Variants in UPF2 observed in about 807,000 individuals in gnomAD.
The protein encoded by UPF2 is UPF2 regulator of nonsense mediated mRNA decay.
A neutral mutation model predicts 141.4 loss-of-function variants in UPF2; 17 were observed. The ratio of observed to expected loss-of-function variants is 0.12; its 90% CI spans 0.08 to 0.18. UPF2 has a LOEUF of 0.18. Ranked by LOEUF, UPF2 falls within the 10% of genes least tolerant of loss-of-function variation. The pLI is 1.00. For synonymous variants in UPF2, 540 were observed against 498.0 expected (o/e 1.08, Z -1.12); for missense variants, 1,152 against 1,515.9 (o/e 0.76, Z 3.99).
At chr10:12,018,549 C>G (rs961893119) in intron 3 of UPF2, among the ~76,000 whole-genome samples, 1 of 151,948 alleles carries the variant, frequency 6.6e-6, no homozygotes, top group African/African-American at 2.4e-5. Context: ...CCACTGCACT[C>G]TAGCCTGGGG....
intron 3 of UPF2, among the ~76,000 whole-genome samples, chr10:12,020,764 C>G (rs1460045846): frequency 6.6e-6 from 1 of 152,206 alleles, no homozygotes; most frequent in Non-Finnish European, 1.5e-5. Flanking sequence ...GATGGGAAAA[C>G]TGAAGCACAG....
At chr10:11,961,535 G>C (rs1197127393) in intron 11 of UPF2, among the ~76,000 whole-genome samples, 1 of 152,034 alleles carries the variant, frequency 6.6e-6, no homozygotes, top group Non-Finnish European at 1.5e-5. Context: ...GGGTAATAGA[G>C]AGCACTGCAC....
chr10:12,022,229 T>C lies in UPF2; in HGVS notation c.1145+6516A>G, dbSNP rs546340169. 1.2e-4 allele frequency among the ~76,000 whole-genome samples: 18 copies of C among 152,002 alleles called. No individual in the cohort carries two copies. The East Asian group carries it at 3.5e-3, about 29-fold the overall frequency. ...GAGTTCGAGACCAGCCTGGGCAACA[T>C]GGTGAAACCCTGTCTCTTCTAAAAC... On this transcript the variant is annotated intron_variant, in intron 3 of 21. Coordinates refer to ENST00000357604, the MANE Select transcript of UPF2 (RefSeq NM_015542.4).
Position 12,014,405 on chromosome 10 carries a change from C to T in UPF2, c.1146-221G>A, listed in dbSNP as rs1396027989. Among the ~76,000 whole-genome samples the T allele has an allele frequency of 6.6e-6, 1 of 152,102 alleles. No homozygotes were observed. The highest frequency in any genetic ancestry group is 1.5e-5 in the Non-Finnish European group (1 of 68,032). On this transcript the variant is annotated intron_variant, in intron 3 of 21. Transcript: ENST00000357604. This position sits in a 1 kb window ranked among gnomAD's most constrained non-coding sequence, Gnocchi z 5.0. ...TAACACTGGTTCCTCAAAGAATATG[C>T]AGCATGCTTGCTGAAATACAATATT...
intron 15 of UPF2, among the ~76,000 whole-genome samples, chr10:11,951,469 T>C (rs143659493): frequency 2.0e-5 from 3 of 152,162 alleles, no homozygotes; most frequent in South Asian, 2.1e-4. Flanking sequence ...TAAAGACATA[T>C]AGGTTCCTGC....
intron 3 of UPF2, among the ~76,000 whole-genome samples, chr10:12,018,831 C>A (rs1834269974): frequency 6.6e-6 from 1 of 152,150 alleles, no homozygotes; most frequent in African/African-American, 2.4e-5. Flanking sequence ...AATGTAGGTA[C>A]TAAAAATGTC....
At chr10:12,025,939 G>A (rs1026046657) in intron 3 of UPF2, among the ~76,000 whole-genome samples, 1 of 152,022 alleles carries the variant, frequency 6.6e-6, no homozygotes, top group Non-Finnish European at 1.5e-5. Flanking sequence ...GACTACAAGC[G>A]CATGCCACCA....
chr10:11,992,418 AGAGT>A lies in UPF2; in HGVS notation c.1844+5250_1844+5253del, dbSNP rs1833794468. ...ACTAATATCAGATGAGTGACTAAAG[AGAGT>A]AAGAAAAGAAGACACCACAAACTAA... is the stretch of plus-strand genomic sequence containing the variant. On this transcript the variant is annotated intron_variant, in intron 8 of 21. Transcript: ENST00000357604. The surrounding 1 kb of genome is among the most constrained non-coding windows in gnomAD (Gnocchi z 4.1). Among the ~76,000 whole-genome samples the A allele has an allele frequency of 6.6e-6, 1 of 152,200 alleles. No homozygotes were observed. Among genetic ancestry groups the A allele is most frequent in the Non-Finnish European group, 1.5e-5 (1 of 68,032 alleles).
intron 2 of UPF2, among the ~76,000 whole-genome samples, chr10:12,034,331 T>TA (rs1834581441): frequency 4.0e-5 from 6 of 151,356 alleles, no homozygotes; most frequent in Admixed American, 6.6e-5. Context: ...TATTTTATTT[T>TA]TTTTTTTTTG....
intron 11 of UPF2, 36 bp downstream of exon 11, chr10:11,963,973 A>C (rs1833279137): frequency 6.8e-7 from 1 of 1,466,468 alleles, no homozygotes; most frequent in African/African-American, 1.4e-5. Flanking sequence ...GTAAATCAAG[A>C]ACCTCTAGCT....
Position 11,921,330 on chromosome 10 carries a change from A to G in UPF2, c.3810-23T>C. ...CTCCTAAAGGAACAAACAGGGTCAC[A>G]TCAGAGAGCTTACTGCCACAGGACA... is the stretch of plus-strand genomic sequence containing the variant. On this transcript the variant is annotated intron_variant, in intron 21 of 21. Transcript: ENST00000357604. This position sits in a 1 kb window ranked among gnomAD's most constrained non-coding sequence, Gnocchi z 5.9. The G allele has an allele frequency of 1.2e-6, 2 of 1,614,128 alleles. No individual in the cohort carries two copies. Among genetic ancestry groups the G allele is most frequent in the African/African-American group, 1.3e-5 (1 of 75,034 alleles).
At chr10:11,977,669 A>T (rs1359900319) in intron 9 of UPF2, among the ~76,000 whole-genome samples, 1 of 152,194 alleles carries the variant, frequency 6.6e-6, no homozygotes, top group East Asian at 1.9e-4. Flanking sequence ...GTACAATGGG[A>T]TTAAACATAT....
chr10:12,031,717 A>G (rs528712638), intron 2 of UPF2, among the ~76,000 whole-genome samples: 1 of 152,174 alleles, frequency 6.6e-6, no homozygotes, highest in African/African-American at 2.4e-5. Flanking sequence ...TTGAAGCTGC[A>G]GTGAGTCATG....
chr10:12,009,904 G>A (rs911940721), intron 4 of UPF2, among the ~76,000 whole-genome samples: 2 of 152,174 alleles, frequency 1.3e-5, no homozygotes, highest in African/African-American at 4.8e-5. Flanking sequence ...CAGCCTCTAT[G>A]TGTGAGGAAA....
intron 2 of UPF2, among the ~76,000 whole-genome samples, chr10:12,034,609 C>T (rs1834588950): frequency 6.6e-6 from 1 of 152,136 alleles, no homozygotes; most frequent in Non-Finnish European, 1.5e-5. Flanking sequence ...AGCTCAAGAC[C>T]AGCCTGGCCA....
At chr10:11,982,754 G>A (rs1833620117) in intron 8 of UPF2, among the ~76,000 whole-genome samples, 1 of 152,208 alleles carries the variant, frequency 6.6e-6, no homozygotes, top group African/African-American at 2.4e-5. Context: ...CCAAGTACCT[G>A]GGATTACAGG....
intron 9 of UPF2, among the ~76,000 whole-genome samples, chr10:11,976,787 G>C (rs993428796): frequency 4.6e-5 from 7 of 152,194 alleles, no homozygotes; most frequent in Non-Finnish European, 8.8e-5. Flanking sequence ...TAAGAACCAG[G>C]AGAGAATGGT....
chr10:12,010,246 A>G (rs929373128), intron 4 of UPF2, among the ~76,000 whole-genome samples: 2 of 152,242 alleles, frequency 1.3e-5, no homozygotes, highest in Admixed American at 6.5e-5. Context: ...GGGCAGCCAA[A>G]GAAGTAGAAA....
rs1833337028 is a variant in UPF2 at position 11,967,341 on chromosome 10, C to T, written c.2067G>A (p.Lys689=). Residue 689 remains lysine, a splice_region_variant and synonymous_variant, in exon 10 of 22, where the codon AAG becomes AAA. Transcript: ENST00000357604. Reference sequence around the variant, plus strand: ...AACAATCAACTAATTCAGCACTAACCTTTAAACAATGCAGTGTGTCATTTT... The same window carrying T: ...AACAATCAACTAATTCAGCACTAACTTTTAAACAATGCAGTGTGTCATTTT... ...FTKNDTLHCL[K]MLLSDFSHHH... 6.5e-7 allele frequency: 1 copy of T among 1,541,232 alleles called. No homozygotes were observed. Among genetic ancestry groups the T allele is most frequent in the African/African-American group, 1.4e-5 (1 of 70,800 alleles).
Sources: allele counts gnomAD v4.1 joint callset (sites outside exome capture counted in the v4.1 genomes callset), GRCh38; gene constraint gnomAD v4.1.1; non-coding constraint Gnocchi (gnomAD v3.1); transcripts MANE v1.5; gene names NCBI Gene and HGNC (gene_info 2026-07-23, HGNC 2026-07-21).